The following JAZF1 variants were observed in gnomAD, a reference collection of about 807,000 sequenced individuals.
JAZF1 encodes the protein juxtaposed with another zinc finger protein 1.
In JAZF1, 8 loss-of-function variants were observed where a neutral mutation model predicts 26.4. The ratio of observed to expected loss-of-function variants is 0.30; its 90% confidence interval spans 0.18 to 0.55. JAZF1 has a LOEUF of 0.55. JAZF1 is among the 20% of genes least tolerant of loss of function. JAZF1 has a pLI of 0.94. For synonymous variants in JAZF1, 126 were observed against 122.3 expected, an observed-to-expected ratio of 1.03 and a Z score of -0.20; for missense variants, 199 against 322.0, an observed-to-expected ratio of 0.62 and a Z score of 2.92.
intron 2 of JAZF1, among the ~76,000 whole-genome samples, chr7:27,896,510 T>A (rs553629779): frequency 2.8e-4 from 43 of 152,244 alleles, no homozygotes; most frequent in African/African-American, 1.0e-3. Context: ...CTCCAACACC[T>A]CCCGCATCAA....
intron 1 of JAZF1, among the ~76,000 whole-genome samples, chr7:28,083,887 G>T (rs760958647): frequency 2.6e-5 from 4 of 151,888 alleles, no homozygotes; most frequent in Non-Finnish European, 5.9e-5. Flanking sequence ...AAGCAGGCTG[G>T]AACATCCAAC....
intron 3 of JAZF1, among the ~76,000 whole-genome samples, chr7:27,892,635 G>A (rs537763562): frequency 3.9e-5 from 6 of 152,010 alleles, no homozygotes; most frequent in East Asian, 3.9e-4. Flanking sequence ...AGAGGATTGC[G>A]GAATTACACT....
chr7:28,145,682 T>C (rs1343523084), intron 1 of JAZF1, among the ~76,000 whole-genome samples: 7 of 151,854 alleles, frequency 4.6e-5, no homozygotes, highest in Admixed American at 3.9e-4. Context: ...TGATGGGTTC[T>C]GGCAAATGCA....
chr7:28,067,192 G>C (rs1783897054), intron 1 of JAZF1, among the ~76,000 whole-genome samples: 1 of 152,196 alleles, frequency 6.6e-6, no homozygotes, highest in South Asian at 2.1e-4. Flanking sequence ...CATGGAGATA[G>C]GAAAGGCTGG....
chr7:28,173,452 G>A (rs1783502986), intron 1 of JAZF1, among the ~76,000 whole-genome samples: 1 of 152,024 alleles, frequency 6.6e-6, no homozygotes, highest in African/African-American at 2.4e-5. Flanking sequence ...CATATATGTG[G>A]TATGTGTATT....
At chr7:28,067,944 G>A (rs1404538295) in intron 1 of JAZF1, among the ~76,000 whole-genome samples, 4 of 152,076 alleles carry the variant, frequency 2.6e-5, no homozygotes, top group East Asian at 1.9e-4. Context: ...ACAGAGTTTC[G>A]CTCTTGTTGC....
chr7:28,179,135 T>C (rs1222735634), intron 1 of JAZF1, among the ~76,000 whole-genome samples: 1 of 152,192 alleles, frequency 6.6e-6, no homozygotes, highest in Non-Finnish European at 1.5e-5. Context: ...TGGCATTCAT[T>C]TGGACTTCCT....
intron 1 of JAZF1, among the ~76,000 whole-genome samples, chr7:27,995,751 G>C (rs1786003154): frequency 6.6e-6 from 1 of 152,126 alleles, no homozygotes; most frequent in African/African-American, 2.4e-5. Context: ...TGTAACACTA[G>C]ACACAGGTAC....
intron 1 of JAZF1, among the ~76,000 whole-genome samples, chr7:28,164,229 T>C (rs1262209337): frequency 2.0e-5 from 3 of 152,244 alleles, no homozygotes; most frequent in African/African-American, 7.2e-5. Context: ...ACAGTGCCCC[T>C]GCAGACCAGA....
At chr7:28,071,777 CA>C (rs1783982327) in intron 1 of JAZF1, 1 of 389,050 alleles carries the variant, frequency 2.6e-6, no homozygotes, top group Non-Finnish European at 5.3e-6. Flanking sequence ...TGCAAATTTG[CA>C]GAGGAGGAAG....
At chr7:27,851,768 CA>C (rs1260077570) in intron 3 of JAZF1, among the ~76,000 whole-genome samples, 1 of 152,176 alleles carries the variant, frequency 6.6e-6, no homozygotes, top group Admixed American at 6.5e-5. Flanking sequence ...GCCTATTACA[CA>C]GTTGGTTCTA....
rs117976997 is a variant in JAZF1, at chr7:28,047,595, A to C, written c.116-55614T>G. Among the ~76,000 whole-genome samples the C allele has an allele frequency of 5.2e-3, 791 of 152,280 alleles. 4 individuals carry two copies. The highest frequency in any genetic ancestry group is 0.014 in the Middle Eastern group (4 of 294). On this transcript the variant is annotated intron_variant, in intron 1 of 4. Transcript: ENST00000283928. ...TGCAATTGTGAAAGGTATCCCTTTCATCCCATAATACTATATATATGGTTA... is the reference window on the plus strand; with the variant it reads ...TGCAATTGTGAAAGGTATCCCTTTCCTCCCATAATACTATATATATGGTTA...
chr7:28,056,309 A>G (rs1373308066), intron 1 of JAZF1, among the ~76,000 whole-genome samples: 1 of 152,136 alleles, frequency 6.6e-6, no homozygotes, highest in Non-Finnish European at 1.5e-5. Flanking sequence ...TGTACATGAC[A>G]GGAGAGAACA....
chr7:27,885,026 G>C (rs1264335566), intron 3 of JAZF1, among the ~76,000 whole-genome samples: 1 of 152,194 alleles, frequency 6.6e-6, no homozygotes, highest in African/African-American at 2.4e-5. Context: ...ACAGGAAGGA[G>C]GGGAGGGAGT....
At chr7:28,147,492 A>ATT (rs10622246) in intron 1 of JAZF1, among the ~76,000 whole-genome samples, 6 of 148,908 alleles carry the variant, frequency 4.0e-5, no homozygotes, top group Non-Finnish European at 4.5e-5. Flanking sequence ...AGTAAAAACA[A>ATT]TTTTTTTTTT....
intron 2 of JAZF1, among the ~76,000 whole-genome samples, chr7:27,981,182 T>G (rs1785577199): frequency 6.6e-6 from 1 of 152,230 alleles, no homozygotes; most frequent in Non-Finnish European, 1.5e-5. Flanking sequence ...AAATTCCATA[T>G]TTTCTCAGGT....
intron 1 of JAZF1, among the ~76,000 whole-genome samples, chr7:28,148,071 TCTTA>T (rs1783054984): frequency 6.6e-6 from 1 of 152,122 alleles, no homozygotes; most frequent in Admixed American, 6.5e-5. Flanking sequence ...ATCACATGTT[TCTTA>T]CTTTTTTTTT....
At chr7:28,007,230 G>A (rs951880933) in intron 1 of JAZF1, among the ~76,000 whole-genome samples, 4 of 152,200 alleles carry the variant, frequency 2.6e-5, no homozygotes, top group Non-Finnish European at 5.9e-5. Flanking sequence ...TACTTCGGGA[G>A]GCCGAGGTGG....
At chr7:28,007,388 G>C (rs1397239823) in intron 1 of JAZF1, among the ~76,000 whole-genome samples, 3 of 152,106 alleles carry the variant, frequency 2.0e-5, no homozygotes, top group African/African-American at 7.2e-5. Flanking sequence ...GACCAACATG[G>C]TGAAACCCTG....
Sources: gnomAD v4.1 joint callset for allele counts (sites outside exome capture counted in the v4.1 genomes callset) on GRCh38, gnomAD v4.1.1 for gene constraint, MANE v1.5 for transcripts, NCBI Gene and HGNC (gene_info 2026-07-23, HGNC 2026-07-21) for gene names.